ARMC3: variants seen among roughly 807,000 people sequenced by gnomAD.
ARMC3 encodes armadillo repeat containing 3.
A neutral mutation model predicts 90.3 loss-of-function variants in ARMC3; 74 were observed. The ratio of observed to expected loss-of-function variants is 0.82; its 90% CI spans 0.68 to 0.99. The LOEUF is 0.99. Ranked by LOEUF, ARMC3 falls within the 50% of genes least tolerant of loss-of-function variation. ARMC3 has a pLI of 0.00. For missense variants in ARMC3, 958 were observed against 1,042.8 expected, an observed-to-expected ratio of 0.92 and a Z score of 1.12; for synonymous variants, 334 against 361.8, an observed-to-expected ratio of 0.92 and a Z score of 0.87.
At chr10:22,954,091 T>G (rs147288315) in intron 3 of ARMC3, among the ~76,000 whole-genome samples, 2 of 152,324 alleles carry the variant, frequency 1.3e-5, no homozygotes, top group Non-Finnish European at 2.9e-5. Context: ...TCATTGCGGT[T>G]TTAATTTGCA....
chr10:22,961,849 T>TA, intron 6 of ARMC3, 35 bp from the exon 7 acceptor site: 1 of 1,522,196 alleles, frequency 6.6e-7, no homozygotes, highest in Non-Finnish European at 8.8e-7. Flanking sequence ...GTATTTTGCT[T>TA]AAAAAAATTA....
At chr10:22,931,739 A>C (rs976192936) in intron 1 of ARMC3, among the ~76,000 whole-genome samples, 2 of 152,190 alleles carry the variant, frequency 1.3e-5, no homozygotes, top group Non-Finnish European at 2.9e-5. Flanking sequence ...TATGCCACTA[A>C]TATATTCACC....
intron 2 of ARMC3, among the ~76,000 whole-genome samples, chr10:22,934,177 T>C (rs7092241): frequency 0.018 from 2,745 of 152,320 alleles, 88 homozygotes; most frequent in African/African-American, 0.063. Context: ...AGAAATATTG[T>C]TTCCAAAGAC....
At chr10:23,001,637 G>A (rs1206604800) in intron 11 of ARMC3, among the ~76,000 whole-genome samples, 1 of 152,144 alleles carries the variant, frequency 6.6e-6, no homozygotes, top group Non-Finnish European at 1.5e-5. Context: ...CATCCCACGG[G>A]TGGGCAGTGA....
rs12253827 is a variant in ARMC3, at chr10:23,020,569, A to G, written c.2046-10027A>G. ...CATTTTGCTTTCTCACTGGCAATGT[A>G]TGAGAGCTCCAGGTGCTCCACATCC... is the stretch of plus-strand genomic sequence containing the variant. On this transcript the variant is annotated intron_variant, in intron 16 of 18. Transcript: ENST00000298032. Among the ~76,000 whole-genome samples the G allele has an allele frequency of 8.2e-3, 1,245 of 152,330 alleles. 19 individuals are homozygous for G. The highest frequency in any genetic ancestry group is 0.028 in the African/African-American group (1,179 of 41,574).
chr10:23,030,543 T>C, intron 16 of ARMC3, 53 bp from the exon 17 acceptor site: 1 of 1,557,370 alleles, frequency 6.4e-7, no homozygotes, highest in Admixed American at 1.9e-5. Flanking sequence ...AGAGCAATTG[T>C]TTGTTTGTTT....
chr10:22,961,574 A>G (rs1315354743), intron 6 of ARMC3: 103 of 249,448 alleles, frequency 4.1e-4, no homozygotes, highest in Non-Finnish European at 4.7e-4. Context: ...CAAGTGTGAG[A>G]AGAATTTCAT....
At chr10:22,958,962 A>G in intron 4 of ARMC3, 108 bp from the exon 5 acceptor site, 1 of 873,228 alleles carries the variant, frequency 1.1e-6, no homozygotes, top group East Asian at 2.6e-5. Context: ...ACCTCAAGTG[A>G]TTCACCCGCC....
chr10:22,941,187 C>A (rs1834314664), intron 2 of ARMC3, among the ~76,000 whole-genome samples: 1 of 152,076 alleles, frequency 6.6e-6, no homozygotes, highest in Non-Finnish European at 1.5e-5. Context: ...TGTCTGGGAC[C>A]AGTCATAGGA....
At chr10:22,954,144 G>A (rs1834837248) in intron 3 of ARMC3, among the ~76,000 whole-genome samples, 1 of 152,016 alleles carries the variant, frequency 6.6e-6, no homozygotes. Context: ...GTACTTTATT[G>A]TCATTGTATA....
chr10:22,976,856 C>T (rs1479351685), intron 8 of ARMC3, among the ~76,000 whole-genome samples: 2 of 152,176 alleles, frequency 1.3e-5, no homozygotes, highest in Non-Finnish European at 2.9e-5. Flanking sequence ...CTACATTCTG[C>T]ATATAATTGC....
chr10:22,940,378 G>A (rs1281312248), intron 2 of ARMC3, among the ~76,000 whole-genome samples: 3 of 152,190 alleles, frequency 2.0e-5, no homozygotes, highest in Non-Finnish European at 2.9e-5. Flanking sequence ...ACATTTCTGA[G>A]ACAAATTAAC....
At chr10:22,944,730 A>G (rs1227514264) in intron 2 of ARMC3, among the ~76,000 whole-genome samples, 1 of 152,170 alleles carries the variant, frequency 6.6e-6, no homozygotes, top group Non-Finnish European at 1.5e-5. Flanking sequence ...CCCAAACCCT[A>G]ACTACATTCA....
intron 16 of ARMC3, among the ~76,000 whole-genome samples, chr10:23,011,692 C>G (rs964614015): frequency 5.3e-5 from 8 of 152,060 alleles, no homozygotes; most frequent in Non-Finnish European, 7.4e-5. Context: ...TTTTTACAGC[C>G]TCTCCTCTAA....
intron 10 of ARMC3, among the ~76,000 whole-genome samples, chr10:22,987,105 C>T (rs1836483218): frequency 6.6e-6 from 1 of 152,284 alleles, no homozygotes; most frequent in Non-Finnish European, 1.5e-5. Flanking sequence ...TGGTATACTG[C>T]TAATCTCTTT....
chr10:22,933,900 C>T (rs1461071855), intron 2 of ARMC3, among the ~76,000 whole-genome samples: 1 of 152,026 alleles, frequency 6.6e-6, no homozygotes, highest in East Asian at 1.9e-4. Flanking sequence ...ACAAACCAAC[C>T]AACCAACAAA....
intron 3 of ARMC3, among the ~76,000 whole-genome samples, chr10:22,950,164 A>G (rs1236388675): frequency 1.3e-5 from 2 of 152,124 alleles, no homozygotes; most frequent in East Asian, 1.9e-4. Context: ...GCAGAAGGAA[A>G]CTAACACTAG....
intron 10 of ARMC3, among the ~76,000 whole-genome samples, chr10:22,990,943 G>A (rs921941665): frequency 1.3e-5 from 2 of 151,064 alleles, no homozygotes; most frequent in South Asian, 2.1e-4. Flanking sequence ...CTTTTTCCCC[G>A]GGTTCCTTTC....
At chr10:23,025,827 T>A (rs1838695534) in intron 16 of ARMC3, among the ~76,000 whole-genome samples, 1 of 152,122 alleles carries the variant, frequency 6.6e-6, no homozygotes, top group Admixed American at 6.5e-5. Flanking sequence ...TTCAATAACT[T>A]GGGTAAACCT....
Sources: allele counts gnomAD v4.1 joint callset (sites outside exome capture counted in the v4.1 genomes callset), GRCh38; gene constraint gnomAD v4.1.1; transcripts MANE v1.5; gene names NCBI Gene and HGNC (gene_info 2026-07-23, HGNC 2026-07-21).